Variants in SRRM4 observed in about 807,000 individuals in gnomAD.
The protein encoded by SRRM4 is serine/arginine repetitive matrix 4, also known as serine/arginine repetitive matrix protein 4.
In SRRM4, 33 loss-of-function variants were observed where a neutral mutation model predicts 68.9. The ratio of observed to expected loss-of-function variants is 0.48; its 90% confidence interval spans 0.36 to 0.64. SRRM4 has a LOEUF of 0.64. Among genes scored for constraint, SRRM4 ranks in the 30% least tolerant of loss-of-function variants. The probability of loss-of-function intolerance (pLI) is 0.00; values close to 1 mark genes in which losing one functional copy is unlikely to be tolerated. For missense variants in SRRM4, 817 were observed against 827.1 expected, an observed-to-expected ratio of 0.99 and a Z score of 0.15; for synonymous variants, 318 against 318.8, an observed-to-expected ratio of 1.00 and a Z score of 0.03.
intron 1 of SRRM4, among the ~76,000 whole-genome samples, chr12:118,985,644 G>A (rs1436871241): frequency 2.0e-5 from 3 of 152,168 alleles, no homozygotes; most frequent in African/African-American, 7.2e-5. Context: ...TCTCTAAAGT[G>A]TAGAGAGCCA....
At position 119,157,396 on chromosome 12, in the gene SRRM4, A is replaced by G. The variant is rs1487222200; in HGVS notation, c.*598A>G. 1.3e-5 allele frequency: 2 copies of G among 153,166 alleles called. No individual in the cohort carries two copies. The highest frequency in any genetic ancestry group is 2.9e-5 in the Non-Finnish European group (2 of 68,816). The allele number at this position is 153,166 out of a possible 1,614,324, so 9.5% of individuals were successfully genotyped here. ...GGATATCCTTGAATACCAGATGGGG[A>G]CGTTTGACTTGGTGGGAGGTGTCAG... is the stretch of plus-strand genomic sequence containing the variant. On this transcript the variant is annotated 3_prime_UTR_variant, in exon 13 of 13. Coordinates refer to ENST00000267260, the MANE Select transcript of SRRM4 (RefSeq NM_194286.4). This position sits in a 1 kb window ranked among gnomAD's most constrained non-coding sequence, Gnocchi z 4.1.
intron 1 of SRRM4, among the ~76,000 whole-genome samples, chr12:119,002,498 G>A (rs11069223): frequency 0.3 from 46,131 of 152,092 alleles, 7,119 homozygotes; most frequent in Admixed American, 0.32. Context: ...TGGCACTGGC[G>A]TTGTCAGAAA....
At chr12:119,125,346 C>T (rs1429989976) in intron 6 of SRRM4, 35 bp from the exon 7 acceptor site, 5 of 1,577,314 alleles carry the variant, frequency 3.2e-6, no homozygotes, top group African/African-American at 1.4e-5. Flanking sequence ...TCTCTCTCTC[C>T]TCTCCTCTGA....
chr12:119,114,183 T>C, intron 2 of SRRM4, 95 bp from the exon 3 acceptor site: 1 of 1,015,878 alleles, frequency 9.8e-7, no homozygotes, highest in Non-Finnish European at 1.5e-6. Context: ...TCCTTGATCA[T>C]CCAAGGACCT....
rs555942645 is a variant in SRRM4, at chr12:119,059,963, C to T, written c.132-42273C>T. ...GTGTTGACTGGTTCATCAGCCAGTT[C>T]TCTGCTTCATGTCAATCCAATCTTC... On this transcript the variant is annotated intron_variant, in intron 1 of 12. Transcript: ENST00000267260. Among the ~76,000 whole-genome samples the T allele has an allele frequency of 2.0e-5, 3 of 152,242 alleles. No homozygotes were observed. In the South Asian group the frequency reaches 6.2e-4, roughly 32 times the overall value.
At chr12:119,076,641 T>G (rs1363780749) in intron 1 of SRRM4, among the ~76,000 whole-genome samples, 2 of 152,206 alleles carry the variant, frequency 1.3e-5, no homozygotes, top group Non-Finnish European at 2.9e-5. Flanking sequence ...TCACACTGAA[T>G]AGAAAATTTA....
At chr12:118,991,373 T>C (rs1953315879) in intron 1 of SRRM4, among the ~76,000 whole-genome samples, 2 of 152,226 alleles carry the variant, frequency 1.3e-5, no homozygotes, top group Admixed American at 1.3e-4. Context: ...GGAAATGCTG[T>C]TTCCTCGGGG....
At chr12:119,062,737 C>T (rs1027909725) in intron 1 of SRRM4, among the ~76,000 whole-genome samples, 68 of 152,306 alleles carry the variant, frequency 4.5e-4, no homozygotes, top group African/African-American at 1.5e-3. Context: ...ACATTATAAT[C>T]GCATGGGACC....
intron 1 of SRRM4, among the ~76,000 whole-genome samples, chr12:119,031,602 C>T (rs569867566): frequency 6.6e-6 from 1 of 152,092 alleles, no homozygotes; most frequent in Admixed American, 6.5e-5. Context: ...GATAAATTGA[C>T]CCCTGGGATA....
chr12:119,090,118 G>C (rs1206596417), intron 1 of SRRM4, among the ~76,000 whole-genome samples: 3 of 152,096 alleles, frequency 2.0e-5, no homozygotes, highest in Non-Finnish European at 4.4e-5. Context: ...TTAGGAATCA[G>C]GCAGACTCGA....
At chr12:119,147,447 T>C (rs1030687425) in intron 9 of SRRM4, among the ~76,000 whole-genome samples, 3 of 152,202 alleles carry the variant, frequency 2.0e-5, no homozygotes, top group African/African-American at 7.2e-5. Context: ...GGTACTCTGA[T>C]GTAAACTATA....
intron 1 of SRRM4, among the ~76,000 whole-genome samples, chr12:119,070,227 A>G (rs1953869362): frequency 6.6e-6 from 1 of 152,130 alleles, no homozygotes; most frequent in South Asian, 2.1e-4. Context: ...GAAAAAAAAA[A>G]AAAAAACTAG....
chr12:119,006,435 G>T (rs1290564232), intron 1 of SRRM4, among the ~76,000 whole-genome samples: 1 of 152,148 alleles, frequency 6.6e-6, no homozygotes, highest in East Asian at 1.9e-4. Flanking sequence ...GGTAGACCAG[G>T]AGATGAGGTA....
In SRRM4 at chr12:119,064,417, A is replaced by C. The variant is rs564162039; in HGVS notation, c.132-37819A>C. Among the ~76,000 whole-genome samples the C allele has an allele frequency of 9.8e-5, 15 of 152,318 alleles. No individual in the cohort carries two copies. In the South Asian group the frequency reaches 2.9e-3, roughly 29 times the overall value. ...TTTACAATAGCCAAAAAATGCACAC[A>C]TATAATTTTTTTTAGTGATGGCACT... On this transcript the variant is annotated intron_variant, in intron 1 of 12. Transcript: ENST00000267260.
chr12:119,155,696 C>G (rs1954467403), intron 12 of SRRM4, among the ~76,000 whole-genome samples: 1 of 152,148 alleles, frequency 6.6e-6, no homozygotes, highest in South Asian at 2.1e-4. Flanking sequence ...GAGATCGCAC[C>G]ACTGCATTCC....
chr12:119,137,032 C>G (rs1287175842), intron 8 of SRRM4, among the ~76,000 whole-genome samples: 2 of 151,990 alleles, frequency 1.3e-5, no homozygotes, highest in East Asian at 3.9e-4. Flanking sequence ...TTGCTGTCTT[C>G]CTAATTAGTG....
intron 1 of SRRM4, 30 bp downstream of exon 1, chr12:118,982,043 C>A: frequency 6.3e-7 from 1 of 1,588,274 alleles, no homozygotes; most frequent in Non-Finnish European, 8.6e-7. Context: ...AAGGGGGGAT[C>A]CTGAAGGTCC....
intron 2 of SRRM4, among the ~76,000 whole-genome samples, chr12:119,103,250 CATT>C (rs1565908628): frequency 6.6e-6 from 1 of 151,826 alleles, no homozygotes; most frequent in Non-Finnish European, 1.5e-5. Context: ...ATTTTTATTT[CATT>C]ATTATTTTTT....
At chr12:119,017,483 C>T (rs1257990354) in intron 1 of SRRM4, among the ~76,000 whole-genome samples, 4 of 152,134 alleles carry the variant, frequency 2.6e-5, no homozygotes, top group African/African-American at 7.2e-5. Flanking sequence ...ATATACTAAG[C>T]GGGCAGATGG....
Sources: allele counts gnomAD v4.1 joint callset (sites outside exome capture counted in the v4.1 genomes callset), GRCh38; gene constraint gnomAD v4.1.1; non-coding constraint Gnocchi (gnomAD v3.1); transcripts MANE v1.5; gene names NCBI Gene and HGNC (gene_info 2026-07-23, HGNC 2026-07-21).